NFYA: variants seen among roughly 807,000 people sequenced by gnomAD.
NFYA encodes the protein nuclear transcription factor Y subunit alpha, also known as CAAT-box DNA binding protein subunit A.
NFYA carries 28 observed loss-of-function variants against 52.8 expected under a neutral mutation model. The observed-to-expected ratio is 0.53, with a 90% CI of 0.39 to 0.73. The LOEUF is 0.73. NFYA is among the 30% of genes least tolerant of loss of function. The pLI is 0.00. For missense variants in NFYA, 234 were observed against 427.0 expected (o/e 0.55, Z 3.98); for synonymous variants, 150 against 150.7 (o/e 1.00, Z 0.03).
In NFYA at chr6:41,089,723, G is replaced by C. The variant is rs1213323808; in HGVS notation, c.441+13G>C. 2 of 1,609,482 alleles carry C rather than the reference G, an allele frequency of 1.2e-6. No individual in the cohort carries two copies. The highest frequency in any genetic ancestry group is 1.3e-5 in the African/African-American group (1 of 74,722). On this transcript the variant is annotated intron_variant, in intron 5 of 9. Transcript: ENST00000341376. ...TGGCCAGACTCAGGTAATTCCACTA[G>C]CTCTGTCACACAGGAGCAAAACTGA...
At chr6:41,087,434 T>C (rs1227390326) in intron 4 of NFYA, among the ~76,000 whole-genome samples, 1 of 152,180 alleles carries the variant, frequency 6.6e-6, no homozygotes, top group Non-Finnish European at 1.5e-5. Context: ...ATGTTCTTCT[T>C]TCCAGACCAA....
intron 9 of NFYA, among the ~76,000 whole-genome samples, chr6:41,094,866 T>C (rs774773741): frequency 4.3e-4 from 65 of 152,202 alleles, no homozygotes; most frequent in Non-Finnish European, 7.9e-4. Context: ...TTGTCACTTA[T>C]TACTATTCAT....
rs1414025354 is a variant in NFYA, at chr6:41,100,078, GTC to G, written c.*2672_*2673del. The G allele has an allele frequency of 1.3e-5, 2 of 152,152 alleles. No homozygotes were observed. The highest frequency in any genetic ancestry group is 2.1e-4 in the South Asian group (1 of 4,828). 9.4% of individuals were successfully genotyped at this position (152,152 alleles called of 1,614,324 possible). A position where few individuals can be genotyped will look rare whatever the true frequency, so the allele number is the denominator to read the frequency against. The stretch of plus-strand genomic sequence containing the variant: ...GACAAGACTTGTCTGCATGGACGGT[GTC>G]TCTGTAAACAGTATCAAACTTGTAA... On this transcript the variant is annotated 3_prime_UTR_variant, in exon 10 of 10. Transcript: ENST00000341376.
intron 8 of NFYA, 38 bp downstream of exon 8, chr6:41,093,123 T>C (rs767545380): frequency 1.9e-6 from 3 of 1,547,118 alleles, no homozygotes; most frequent in South Asian, 1.2e-5. Flanking sequence ...GAAAGGAGAA[T>C]AGCAGGGTTC....
chr6:41,099,695 C>G lies in NFYA; in HGVS notation c.*2285C>G, dbSNP rs556517617. 216 of 147,548 alleles carry G rather than the reference C, an allele frequency of 1.5e-3. No individual in the cohort carries two copies. Among genetic ancestry groups the G allele is most frequent in the Middle Eastern group, 7.2e-3 (2 of 276 alleles). The allele number at this position is 147,548 out of a possible 1,614,324, so 9.1% of individuals were successfully genotyped here. A position where few individuals can be genotyped will look rare whatever the true frequency, so the allele number is the denominator to read the frequency against. On this transcript the variant is annotated 3_prime_UTR_variant, in exon 10 of 10. Transcript: ENST00000341376. The stretch of plus-strand genomic sequence containing the variant: ...GGATGAATGAATAATTGGTTTAATG[C>G]CTAGTTATGCAACTTGAGTGCTTTT...
In NFYA at chr6:41,097,459, C is replaced by A; in HGVS notation, c.*49C>A. 1 of 1,586,940 alleles carries A rather than the reference C, an allele frequency of 6.3e-7. No homozygotes were observed. The highest frequency in any genetic ancestry group is 2.2e-5 in the East Asian group (1 of 44,686). On this transcript the variant is annotated 3_prime_UTR_variant, in exon 10 of 10. Transcript: ENST00000341376. Reference sequence around the variant, plus strand: ...ATCAAGGTCATGTTTCTCACTGTTCCAGGAAATTGATCAACTCTTCCAATG... The same window carrying A: ...ATCAAGGTCATGTTTCTCACTGTTCAAGGAAATTGATCAACTCTTCCAATG...
intron 6 of NFYA, 132 bp from the exon 7 acceptor site, chr6:41,091,396 C>T: frequency 1.3e-6 from 1 of 798,786 alleles, no homozygotes; most frequent in Non-Finnish European, 1.9e-6. Context: ...TACTTTTTCT[C>T]CCCTTGTGTT....
intron 1 of NFYA, among the ~76,000 whole-genome samples, chr6:41,078,513 A>T (rs931336265): frequency 6.6e-6 from 1 of 152,184 alleles, no homozygotes; most frequent in African/African-American, 2.4e-5. Context: ...TGAAGTCTTT[A>T]TTAAAGGTTC....
chr6:41,083,477 A>G (rs1314090869), intron 3 of NFYA, among the ~76,000 whole-genome samples: 1 of 151,632 alleles, frequency 6.6e-6, no homozygotes, highest in African/African-American at 2.4e-5. Context: ...AATGAGCAGG[A>G]TAAAGGTATA....
chr6:41,094,499 T>G lies in NFYA; in HGVS notation c.990+2T>G. 6.2e-7 allele frequency: 1 copy of G among 1,607,576 alleles called. No individual in the cohort carries two copies. The highest frequency in any genetic ancestry group is 8.5e-7 in the Non-Finnish European group (1 of 1,173,930). ...GAAAAGGATAGTCCCCATATGCAGG[T>G]AGGAAGACATATACATTTTATTCTT... is the stretch of plus-strand genomic sequence containing the variant. On this transcript the variant is annotated splice_donor_variant, in intron 9 of 9. Coordinates refer to ENST00000341376, the MANE Select transcript of NFYA (RefSeq NM_002505.5). LOFTEE classifies it high-confidence loss of function.
chr6:41,080,982 T>A, intron 3 of NFYA, 85 bp downstream of exon 3: 1 of 1,084,150 alleles, frequency 9.2e-7, no homozygotes, highest in Non-Finnish European at 1.4e-6. Context: ...GGATCTCCAG[T>A]AGGAATGGCA....
At chr6:41,084,841 A>C (rs1027049945) in intron 4 of NFYA, among the ~76,000 whole-genome samples, 3 of 152,200 alleles carry the variant, frequency 2.0e-5, no homozygotes, top group Non-Finnish European at 4.4e-5. Context: ...ACGCACCTGT[A>C]ATCCCAGCTA....
In NFYA at chr6:41,100,915, C is replaced by A. The variant is rs1764481874; in HGVS notation, c.*3505C>A. 1 of 152,282 alleles carries A rather than the reference C, an allele frequency of 6.6e-6. No individual in the cohort carries two copies. The highest frequency in any genetic ancestry group is 6.5e-5 in the Admixed American group (1 of 15,290). The allele number at this position is 152,282 out of a possible 1,614,324, so 9.4% of individuals were successfully genotyped here. A position where few individuals can be genotyped will look rare whatever the true frequency, so the allele number is the denominator to read the frequency against. On this transcript the variant is annotated 3_prime_UTR_variant, in exon 10 of 10. Coordinates refer to ENST00000341376, the MANE Select transcript of NFYA (RefSeq NM_002505.5). ...AAGTCGCTTCCGATTGGCGTTGTCCCAAGGAAGCCTGCGCGGATTGATCGG... is the reference window on the plus strand; with the variant it reads ...AAGTCGCTTCCGATTGGCGTTGTCCAAAGGAAGCCTGCGCGGATTGATCGG...
At position 41,092,540 on chromosome 6, in the gene NFYA, T is replaced by C. The variant is rs79669860; in HGVS notation, c.715-372T>C. ...GGATTGAATTATAAGTTAACTATTA[T>C]TTTTATAAATATAGGCATTTAGTAG... is the stretch of plus-strand genomic sequence containing the variant. On this transcript the variant is annotated intron_variant, in intron 7 of 9. Coordinates refer to ENST00000341376, the MANE Select transcript of NFYA (RefSeq NM_002505.5). 8.7e-3 allele frequency among the ~76,000 whole-genome samples: 1,319 copies of C among 152,338 alleles called. 30 individuals are homozygous for C. The highest frequency in any genetic ancestry group is 0.029 in the African/African-American group (1,222 of 41,560).
Position 41,089,716 on chromosome 6 carries a change from T to G in NFYA, c.441+6T>G, listed in dbSNP as rs1262570191. The stretch of plus-strand genomic sequence containing the variant: ...TCACTGCTGGCCAGACTCAGGTAAT[T>G]CCACTAGCTCTGTCACACAGGAGCA... On this transcript the variant is annotated splice_donor_region_variant and intron_variant, in intron 5 of 9. Coordinates refer to ENST00000341376, the MANE Select transcript of NFYA (RefSeq NM_002505.5). 2.5e-6 allele frequency: 4 copies of G among 1,609,152 alleles called. No individual in the cohort carries two copies. In the African/African-American group the frequency reaches 5.4e-5, roughly 22 times the overall value.
At chr6:41,081,751 G>T (rs965203891) in intron 3 of NFYA, among the ~76,000 whole-genome samples, 1 of 152,218 alleles carries the variant, frequency 6.6e-6, no homozygotes, top group Admixed American at 6.5e-5. Context: ...TTTCCTGGGG[G>T]AATAGTGACC....
chr6:41,096,046 C>G (rs1470300556), intron 9 of NFYA, among the ~76,000 whole-genome samples: 1 of 152,204 alleles, frequency 6.6e-6, no homozygotes, highest in African/African-American at 2.4e-5. Context: ...CCAGTCTCCT[C>G]TAATTGGCCT....
rs572497000 is a variant in NFYA, at chr6:41,085,410, G to C, written c.309+1218G>C. ...ATTAAAAGAAATGAACTGTTGACTT[G>C]GGGTGGGTTAATATTGAAATATTTT... is the stretch of plus-strand genomic sequence containing the variant. On this transcript the variant is annotated intron_variant, in intron 4 of 9. Coordinates refer to ENST00000341376, the MANE Select transcript of NFYA (RefSeq NM_002505.5). Among the ~76,000 whole-genome samples the C allele has an allele frequency of 5.9e-5, 9 of 152,244 alleles. No individual in the cohort carries two copies. The East Asian group carries it at 1.7e-3, about 29-fold the overall frequency.
Position 41,098,047 on chromosome 6 carries a change from A to G in NFYA, c.*637A>G, listed in dbSNP as rs543855459. ...AAAAGCTAATTCTGGGGATAGAATG[A>G]TAAAAGACTCAAGCACTAAAAATAT... On this transcript the variant is annotated 3_prime_UTR_variant, in exon 10 of 10. Transcript: ENST00000341376. The G allele has an allele frequency of 2.0e-5, 3 of 152,766 alleles. No individual in the cohort carries two copies. The highest frequency in any genetic ancestry group is 4.4e-5 in the Non-Finnish European group (3 of 68,116). The allele number at this position is 152,766 out of a possible 1,614,324, so 9.5% of individuals were successfully genotyped here.
Sources: gnomAD v4.1 joint callset for allele counts (sites outside exome capture counted in the v4.1 genomes callset) on GRCh38, gnomAD v4.1.1 for gene constraint, MANE v1.5 for transcripts, NCBI Gene and HGNC (gene_info 2026-07-23, HGNC 2026-07-21) for gene names.